The following SLC44A5 variants were observed in gnomAD, a reference collection of about 807,000 sequenced individuals.
SLC44A5 encodes the protein choline transporter-like protein 5.
In SLC44A5, 57 loss-of-function variants were observed where a neutral mutation model predicts 101.8. That is an observed-to-expected ratio of 0.56 (90% CI 0.45 to 0.70). The LOEUF is 0.70. SLC44A5 is among the 30% of genes least tolerant of loss of function. The pLI is 0.00. For missense variants in SLC44A5, 737 were observed against 853.1 expected (o/e 0.86, Z 1.70); for synonymous variants, 281 against 290.9 (o/e 0.97, Z 0.35).
intron 2 of SLC44A5, among the ~76,000 whole-genome samples, chr1:75,449,106 A>T (rs1422741525): frequency 6.6e-6 from 1 of 152,232 alleles, no homozygotes; most frequent in Non-Finnish European, 1.5e-5. Flanking sequence ...CAGAGAAAGC[A>T]TCCCTGAGCC....
intron 5 of SLC44A5, among the ~76,000 whole-genome samples, chr1:75,276,423 A>T (rs1651924031): frequency 6.6e-6 from 1 of 152,204 alleles, no homozygotes; most frequent in African/African-American, 2.4e-5. Flanking sequence ...TAATGTTTTT[A>T]AAGCTTTATT....
At chr1:75,344,984 T>C (rs1385839851) in intron 3 of SLC44A5, among the ~76,000 whole-genome samples, 1 of 132,786 alleles carries the variant, frequency 7.5e-6, no homozygotes, top group Non-Finnish European at 1.6e-5. Flanking sequence ...GTTGTACACA[T>C]AGCAGGCATT....
At chr1:75,302,113 T>TTTTTTTTTTC (rs1654515656) in intron 4 of SLC44A5, among the ~76,000 whole-genome samples, 1 of 40,416 alleles carries the variant, frequency 2.5e-5, no homozygotes, top group African/African-American at 1.1e-4. Context: ...AGTTTTTTTG[T>TTTTTTTTTTC]TTTTTTTTTT....
intron 1 of SLC44A5, among the ~76,000 whole-genome samples, chr1:75,567,394 T>G (rs1672844772): frequency 6.6e-6 from 1 of 152,162 alleles, no homozygotes. Context: ...GCAAATTATA[T>G]TACTATAGAT....
In SLC44A5 at chr1:75,214,681, G is replaced by A. The variant is rs1341225262; in HGVS notation, c.1729-3C>T. 1.2e-6 allele frequency: 2 copies of A among 1,609,728 alleles called. No individual in the cohort carries two copies. The highest frequency in any genetic ancestry group is 3.4e-5 in the Admixed American group (2 of 59,612). On this transcript the variant is annotated splice_polypyrimidine_tract_variant and splice_region_variant and intron_variant, in intron 19 of 23. Transcript: ENST00000370859. ...AAGTTTCTGCCATATATTGCAATCTGAGGAAGACAGTGGCTATTATTCTGG... is the reference window on the plus strand; with the variant it reads ...AAGTTTCTGCCATATATTGCAATCTAAGGAAGACAGTGGCTATTATTCTGG...
chr1:75,301,403 A>G (rs182987323), intron 4 of SLC44A5, among the ~76,000 whole-genome samples: 205 of 152,298 alleles, frequency 1.3e-3, no homozygotes, highest in African/African-American at 4.8e-3. Flanking sequence ...TGTTCAGCTT[A>G]TAAGTGGTTT....
chr1:75,282,703 A>C (rs1320325227), intron 5 of SLC44A5, among the ~76,000 whole-genome samples: 1 of 152,162 alleles, frequency 6.6e-6, no homozygotes, highest in Non-Finnish European at 1.5e-5. Context: ...CATACAGATC[A>C]TGAGATCTAA....
chr1:75,701,292 A>T, the SLC44A5 span, among the ~76,000 whole-genome samples: 1 of 152,204 alleles, frequency 6.6e-6, no homozygotes, highest in Non-Finnish European at 1.5e-5. Flanking sequence ...GCAGCACATC[A>T]AAAACCTTGT....
At chr1:75,267,540 A>ATTTATT (rs1157592390) in intron 6 of SLC44A5, among the ~76,000 whole-genome samples, 1 of 151,872 alleles carries the variant, frequency 6.6e-6, no homozygotes, top group Admixed American at 6.6e-5. Flanking sequence ...CTGCCATTAT[A>ATTTATT]TTTATTTTTA....
chr1:75,624,646 C>A, the SLC44A5 span, among the ~76,000 whole-genome samples: 16 of 152,138 alleles, frequency 1.1e-4, no homozygotes, highest in Non-Finnish European at 5.9e-5. Flanking sequence ...ACCACTGAGT[C>A]CTTCTGGCTC....
chr1:75,564,603 T>TTTTATTTATTTATTTATTTATTTATTGA (rs1672692186), intron 1 of SLC44A5, among the ~76,000 whole-genome samples: 2 of 138,042 alleles, frequency 1.4e-5, no homozygotes, highest in Non-Finnish European at 3.1e-5. Flanking sequence ...TTTTTTTAAT[T>TTTTATTTATTTATTTATTTATTTATTGA]TTTATTTATT....
chr1:75,203,945 T>TTG, intron 23 of SLC44A5, 112 bp from the exon 24 acceptor site: 1 of 1,311,828 alleles, frequency 7.6e-7, no homozygotes, highest in Non-Finnish European at 9.9e-7. Flanking sequence ...TTGTTGTTTT[T>TTG]TTTTTGTTGT....
chr1:75,392,243 T>C (rs1385989327), intron 3 of SLC44A5, among the ~76,000 whole-genome samples: 2 of 151,922 alleles, frequency 1.3e-5, no homozygotes, highest in Non-Finnish European at 2.9e-5. Context: ...ACTGACATAA[T>C]GGGATAAAAT....
At chr1:75,477,015 G>A (rs1487702683) in intron 2 of SLC44A5, among the ~76,000 whole-genome samples, 1 of 152,212 alleles carries the variant, frequency 6.6e-6, no homozygotes, top group Non-Finnish European at 1.5e-5. Context: ...AGCAGGGGCA[G>A]ACTGACACCT....
At chr1:75,483,786 A>C (rs1005535336) in intron 2 of SLC44A5, among the ~76,000 whole-genome samples, 2 of 152,170 alleles carry the variant, frequency 1.3e-5, no homozygotes, top group African/African-American at 4.8e-5. Context: ...TATAAGGAAA[A>C]GAGGTTTAAT....
the SLC44A5 span, among the ~76,000 whole-genome samples, chr1:75,679,476 G>T: frequency 1.5e-4 from 23 of 152,156 alleles, no homozygotes; most frequent in East Asian, 2.5e-3. Context: ...TTAAAGAAAA[G>T]AATTTTCAAC....
rs75019117 is a variant in SLC44A5 at position 75,251,309 on chromosome 1, A to G, written c.261-15T>C. On this transcript the variant is annotated splice_polypyrimidine_tract_variant and intron_variant, in intron 6 of 23. Coordinates refer to ENST00000370859, the MANE Select transcript of SLC44A5 (RefSeq NM_001130058.2). ...TGGTCTTGTTCCTGTTAAGAAAGAA[A>G]ACATAATCTTTTTAGTGACCATGGA... 4,769 of 1,594,932 alleles carry G rather than the reference A, an allele frequency of 3.0e-3. 137 individuals carry two copies. The African/African-American group carries it at 0.056, about 19-fold the overall frequency.
chr1:75,336,982 G>T (rs1245704236), intron 4 of SLC44A5, among the ~76,000 whole-genome samples: 2 of 152,196 alleles, frequency 1.3e-5, no homozygotes, highest in Non-Finnish European at 2.9e-5. Flanking sequence ...TCTGAAAATG[G>T]TTGAGGGTTC....
At chr1:75,568,454 C>G (rs1329730419) in intron 1 of SLC44A5, among the ~76,000 whole-genome samples, 1 of 152,296 alleles carries the variant, frequency 6.6e-6, no homozygotes, top group Non-Finnish European at 1.5e-5. Flanking sequence ...AGCTACCTAG[C>G]TAACCTCAAT....
Sources: allele counts gnomAD v4.1 joint callset (sites outside exome capture counted in the v4.1 genomes callset), GRCh38; gene constraint gnomAD v4.1.1; transcripts MANE v1.5; gene names NCBI Gene and HGNC (gene_info 2026-07-23, HGNC 2026-07-21).